The following CCT3 variants were observed in gnomAD, a reference collection of about 807,000 sequenced individuals.
CCT3 encodes chaperonin containing TCP1 subunit 3.
CCT3 carries 10 observed loss-of-function variants against 65.3 expected under a neutral mutation model. The ratio of observed to expected loss-of-function variants is 0.15; its 90% CI spans 0.09 to 0.26. The LOEUF (loss-of-function observed/expected upper bound fraction) is 0.26. CCT3 is among the 10% of genes least tolerant of loss of function. The probability of loss-of-function intolerance (pLI) is 1.00; values close to 1 mark genes in which losing one functional copy is unlikely to be tolerated. For missense variants in CCT3, 626 were observed against 708.7 expected (o/e 0.88, Z 1.33); for synonymous variants, 225 against 242.3 (o/e 0.93, Z 0.66).
chr1:156,312,187 C>T lies in CCT3; in HGVS notation c.1009G>A (p.Glu337Lys). ...GTTCCAACATCATCTTCTCTCAGTT[C>T]CTCTGGTCGGCTGACTATCCGGGCC... ...CGARIVSRPE[E>K]LREDDVGTGA... Residue 337 changes from glutamate to lysine, a missense_variant, in exon 11 of 14, where the codon GAA becomes AAA. Transcript: ENST00000295688. The T allele has an allele frequency of 6.2e-7, 1 of 1,614,100 alleles. No homozygotes were observed. Among genetic ancestry groups the T allele is most frequent in the African/African-American group, 1.3e-5 (1 of 75,046 alleles).
intron 10 of CCT3, among the ~76,000 whole-genome samples, chr1:156,313,349 A>AAG (rs1664162835): frequency 3.5e-5 from 4 of 114,196 alleles, no homozygotes; most frequent in East Asian, 2.7e-4. Context: ...AAAAAAAAAA[A>AAG]GAAAAAAAAA....
intron 2 of CCT3, 180 bp from the exon 3 acceptor site, chr1:156,335,098 TG>T: frequency 3.6e-6 from 2 of 560,214 alleles, no homozygotes; most frequent in Non-Finnish European, 6.2e-6. Context: ...CTCAAACCCC[TG>T]GGCCCAAGTG....
chr1:156,317,384 A>C (rs930780739), intron 9 of CCT3, 31 bp downstream of exon 9: 3 of 1,603,384 alleles, frequency 1.9e-6, no homozygotes, highest in Non-Finnish European at 2.6e-6. Context: ...TCTACCTCAA[A>C]GGTAGGCTGG....
Position 156,319,014 on chromosome 1 carries a change from G to A in CCT3, c.613C>T (p.Pro205Ser), listed in dbSNP as rs1226867275. 6.9e-6 allele frequency: 11 copies of A among 1,599,326 alleles called. No homozygotes were observed. The highest frequency in any genetic ancestry group is 1.8e-5 in the Admixed American group (1 of 56,298). ...CAGGAGTCTTCAATGATGCCTCCAG[G>A]TATCTGAACAAAAGACAACTGCACT... ...IKKYARVEKIPGGIIEDSCVL... is the reference protein window; with the variant it reads ...IKKYARVEKISGGIIEDSCVL... The change falls in exon 8 of 14, where the codon CCT becomes TCT. Residue 205 changes from proline (P) to serine (S), a missense_variant. Transcript: ENST00000295688.
chr1:156,335,804 T>C (rs1245378221), intron 2 of CCT3, 23 bp downstream of exon 2: 6 of 1,607,114 alleles, frequency 3.7e-6, no homozygotes, highest in Non-Finnish European at 5.1e-6. Context: ...CAAACTACCA[T>C]AAACACTTAA....
chr1:156,325,107 A>C lies in CCT3; in HGVS notation c.305-18T>G, dbSNP rs747188687. 2 of 1,530,536 alleles carry C rather than the reference A, an allele frequency of 1.3e-6. No homozygotes were observed. The highest frequency in any genetic ancestry group is 1.8e-6 in the Non-Finnish European group (2 of 1,109,694). 94.8% of individuals were successfully genotyped at this position (1,530,536 alleles called of 1,614,324 possible). ...TTCCCCTGCTGAAAAAGATACAAGC[A>C]CCATAGTAATATTTAAAGCATCTGG... is the stretch of plus-strand genomic sequence containing the variant. On this transcript the variant is annotated intron_variant, in intron 5 of 13. Coordinates refer to ENST00000295688, the MANE Select transcript of CCT3 (RefSeq NM_005998.5).
intron 10 of CCT3, 135 bp downstream of exon 10, chr1:156,317,031 A>G: frequency 1.4e-6 from 1 of 726,522 alleles, no homozygotes; most frequent in Non-Finnish European, 2.4e-6. Flanking sequence ...TGAAGAGGGC[A>G]GGCAGCTAAG....
chr1:156,317,689 A>G (rs972381783), intron 8 of CCT3, 142 bp from the exon 9 acceptor site: 8 of 708,832 alleles, frequency 1.1e-5, no homozygotes, highest in Non-Finnish European at 1.8e-5. Context: ...ACACCTCTGT[A>G]AGCCAATTTA....
Position 156,328,820 on chromosome 1 carries a change from C to A in CCT3, c.305-3731G>T, listed in dbSNP as rs572690767. ...CTATTGTCCTATGACCCTGCCAAAT[C>A]CCCCTCTGCGAGAAACACCCAAGAA... On this transcript the variant is annotated intron_variant, in intron 5 of 13. Coordinates refer to ENST00000295688, the MANE Select transcript of CCT3 (RefSeq NM_005998.5). 2.0e-5 allele frequency among the ~76,000 whole-genome samples: 3 copies of A among 151,750 alleles called. No homozygotes were observed. In the South Asian group the frequency reaches 6.3e-4, roughly 32 times the overall value.
In CCT3 at chr1:156,329,119, G is replaced by C. The variant is rs535494292; in HGVS notation, c.305-4030C>G. 5.9e-5 allele frequency among the ~76,000 whole-genome samples: 9 copies of C among 152,066 alleles called. No homozygotes were observed. The East Asian group carries it at 1.2e-3, about 20-fold the overall frequency. On this transcript the variant is annotated intron_variant, in intron 5 of 13. Coordinates refer to ENST00000295688, the MANE Select transcript of CCT3 (RefSeq NM_005998.5). Reference sequence around the variant, plus strand: ...GCTTATTATACAAATACTTACCACTGTATTATAACTGTATTCAGTACAGTA... The same window carrying C: ...GCTTATTATACAAATACTTACCACTCTATTATAACTGTATTCAGTACAGTA...
intron 6 of CCT3, among the ~76,000 whole-genome samples, chr1:156,321,804 T>G (rs1192064433): frequency 6.6e-6 from 1 of 152,166 alleles, no homozygotes; most frequent in Non-Finnish European, 1.5e-5. Flanking sequence ...ATCATGTCAC[T>G]GCACGACAGC....
At chr1:156,336,742 T>C (rs1665391031) in intron 1 of CCT3, among the ~76,000 whole-genome samples, 1 of 152,124 alleles carries the variant, frequency 6.6e-6, no homozygotes, top group South Asian at 2.1e-4. Context: ...TTCCTTCCTC[T>C]CTCTAAATTA....
At chr1:156,320,791 T>A in intron 7 of CCT3, 48 bp downstream of exon 7, 1 of 1,270,150 alleles carries the variant, frequency 7.9e-7, no homozygotes, top group Non-Finnish European at 1.1e-6. Context: ...GTGAGATGAC[T>A]CATGCTAACA....
At position 156,338,276 on chromosome 1, in the gene CCT3, G is replaced by T. The variant is rs879222640; in HGVS notation, c.-92C>A. 3.8e-6 allele frequency: 5 copies of T among 1,316,412 alleles called. No homozygotes were observed. In the Admixed American group the frequency reaches 7.9e-5, roughly 21 times the overall value. 81.5% of individuals were successfully genotyped at this position (1,316,412 alleles called of 1,614,324 possible). On this transcript the variant is annotated 5_prime_UTR_variant, in exon 1 of 14. Transcript: ENST00000295688. ...ACCAGACAGAAGCCCAGAAAACGCT[G>T]CCTCCTCAGGGCTTACACCTCAACC...
intron 6 of CCT3, among the ~76,000 whole-genome samples, chr1:156,322,723 G>A (rs1032931425): frequency 2.0e-5 from 3 of 152,090 alleles, no homozygotes; most frequent in Non-Finnish European, 4.4e-5. Flanking sequence ...GCCAGGCGTA[G>A]TGGCACATGC....
chr1:156,317,129 C>G, intron 10 of CCT3, 37 bp downstream of exon 10: 1 of 1,544,680 alleles, frequency 6.5e-7, no homozygotes. Flanking sequence ...AGGAAACACA[C>G]GGGAAGAAAA....
intron 5 of CCT3, among the ~76,000 whole-genome samples, chr1:156,326,461 G>C (rs1664811143): frequency 6.6e-6 from 1 of 151,924 alleles, no homozygotes; most frequent in Non-Finnish European, 1.5e-5. Context: ...TGACCAGCCT[G>C]GCCAACATGG....
chr1:156,331,924 T>C (rs1452734040), intron 5 of CCT3, among the ~76,000 whole-genome samples: 2 of 150,084 alleles, frequency 1.3e-5, no homozygotes, highest in East Asian at 2.0e-4. Context: ...CCCAGCTACT[T>C]GGAAGGCTAA....
chr1:156,331,387 A>C (rs1314880924), intron 5 of CCT3, among the ~76,000 whole-genome samples: 1 of 152,104 alleles, frequency 6.6e-6, no homozygotes, highest in Non-Finnish European at 1.5e-5. Context: ...CAACACTATA[A>C]ATTAGCATCC....
Sources: gnomAD v4.1 joint callset for allele counts (sites outside exome capture counted in the v4.1 genomes callset) on GRCh38, gnomAD v4.1.1 for gene constraint, MANE v1.5 for transcripts, NCBI Gene and HGNC (gene_info 2026-07-23, HGNC 2026-07-21) for gene names.